The following RPS8 variants were observed in gnomAD, a reference collection of about 807,000 sequenced individuals.
The protein encoded by RPS8 is small ribosomal subunit protein eS8.
For synonymous variants in RPS8, 100 were observed against 100.7 expected (o/e 0.99, Z 0.04); for missense variants, 141 against 269.7 (o/e 0.52, Z 3.34).
At chr1:44,776,897 G>A (rs1322799839) in intron 3 of RPS8, 123 bp downstream of exon 3, 3 of 638,252 alleles carry the variant, frequency 4.7e-6, no homozygotes, top group African/African-American at 1.9e-5. Flanking sequence ...CGAGGCGGGC[G>A]GATCACCTGA....
chr1:44,778,565 C>A lies in RPS8; in HGVS notation c.518-11C>A. 1 of 1,608,480 alleles carries A rather than the reference C, an allele frequency of 6.2e-7. No individual in the cohort carries two copies. Among genetic ancestry groups the A allele is most frequent in the Non-Finnish European group, 8.5e-7 (1 of 1,174,920 alleles). On this transcript the variant is annotated splice_polypyrimidine_tract_variant and intron_variant, in intron 5 of 5. Coordinates refer to ENST00000396651, the MANE Select transcript of RPS8 (RefSeq NM_001012.2). ...TTGTCGTTGTGCTAAGGATCACCTACTCTCTTGCAGCGTGCATCGCTTCAA... is the reference window on the plus strand; with the variant it reads ...TTGTCGTTGTGCTAAGGATCACCTAATCTCTTGCAGCGTGCATCGCTTCAA...
Position 44,778,703 on chromosome 1 carries a change from A to C in RPS8, c.*18A>C. The C allele has an allele frequency of 6.6e-7, 1 of 1,509,432 alleles. No individual in the cohort carries two copies. 93.5% of individuals were successfully genotyped at this position (1,509,432 alleles called of 1,614,324 possible). On this transcript the variant is annotated 3_prime_UTR_variant, in exon 6 of 6. Transcript: ENST00000396651. ...GCAAATAAATCCTTGTTTTGTCTTCACCCATGTAATAAAGGTGTTTATTGT... is the reference window on the plus strand; with the variant it reads ...GCAAATAAATCCTTGTTTTGTCTTCCCCCATGTAATAAAGGTGTTTATTGT...
At chr1:44,775,984 T>C (rs371678381) in intron 1 of RPS8, 50 bp from the exon 2 acceptor site, 36 of 1,557,672 alleles carry the variant, frequency 2.3e-5, no homozygotes, top group Non-Finnish European at 2.7e-5. Flanking sequence ...GGCGAGTCGC[T>C]AGCACCGAGT....
At position 44,776,661 on chromosome 1, in the gene RPS8, C is replaced by T. The variant is rs563761308; in HGVS notation, c.112-14C>T. ...TCCTTGGTAACCTAGTTCCTGTAAC[C>T]TTGTGTTTTCCAGATTGGCCCCCGC... On this transcript the variant is annotated splice_polypyrimidine_tract_variant and intron_variant, in intron 2 of 5. Transcript: ENST00000396651. 6.2e-7 allele frequency: 1 copy of T among 1,612,368 alleles called. No homozygotes were observed. Among genetic ancestry groups the T allele is most frequent in the Non-Finnish European group, 8.5e-7 (1 of 1,178,460 alleles).
At chr1:44,777,538 G>T in intron 3 of RPS8, 76 bp from the exon 4 acceptor site, 2 of 1,207,700 alleles carry the variant, frequency 1.7e-6, no homozygotes, top group Non-Finnish European at 2.4e-6. Context: ...GCCTCATGGG[G>T]CTGAAGAACC....
chr1:44,775,759 CTG>C, intron 1 of RPS8, 159 bp downstream of exon 1: 1 of 1,024,028 alleles, frequency 9.8e-7, no homozygotes, highest in Admixed American at 1.9e-5. Context: ...CAGCCCGTCT[CTG>C]GGGGCTGCGA....
chr1:44,776,616 C>A (rs370695473), intron 2 of RPS8, 59 bp from the exon 3 acceptor site: 2 of 1,446,380 alleles, frequency 1.4e-6, no homozygotes, highest in Admixed American at 3.3e-5. Flanking sequence ...CCAGGTTCCT[C>A]TCCCTCACTT....
intron 3 of RPS8, 180 bp downstream of exon 3, chr1:44,776,954 T>TAA: frequency 4.0e-6 from 2 of 505,822 alleles, no homozygotes; most frequent in Admixed American, 3.9e-5. Flanking sequence ...AGACTCTCAG[T>TAA]AAAAAAAAAG....
In RPS8 at chr1:44,775,570, G is replaced by A; in HGVS notation, c.-27G>A. 6.2e-7 allele frequency: 1 copy of A among 1,614,132 alleles called. No individual in the cohort carries two copies. The highest frequency in any genetic ancestry group is 8.5e-7 in the Non-Finnish European group (1 of 1,179,972). ...ACAAACCGAACCGTGAATCTTTGCG[G>A]TTTCTCTTTCCAGCCAGCGCCGAGC... On this transcript the variant is annotated 5_prime_UTR_variant, in exon 1 of 6. Transcript: ENST00000396651.
At position 44,778,751 on chromosome 1, in the gene RPS8, C is replaced by T; in HGVS notation, c.*66C>T. On this transcript the variant is annotated 3_prime_UTR_variant, in exon 6 of 6. Coordinates refer to ENST00000396651, the MANE Select transcript of RPS8 (RefSeq NM_001012.2). ...TGTTTTGTTCCCACATTTATGTTGC[C>T]TGAATATATGACTGTTTTCTCTGCT... is the stretch of plus-strand genomic sequence containing the variant. The T allele has an allele frequency of 2.7e-6, 3 of 1,109,712 alleles. No individual in the cohort carries two copies. Among genetic ancestry groups the T allele is most frequent in the Non-Finnish European group, 1.3e-6 (1 of 761,342 alleles). 68.7% of individuals were successfully genotyped at this position (1,109,712 alleles called of 1,614,324 possible). A position where few individuals can be genotyped will look rare whatever the true frequency, so the allele number is the denominator to read the frequency against.
At chr1:44,775,954 C>A (rs373601758) in intron 1 of RPS8, 80 bp from the exon 2 acceptor site, 489 of 1,349,550 alleles carry the variant, frequency 3.6e-4, no homozygotes, top group Non-Finnish European at 4.9e-4. Context: ...ACCGGCCCGG[C>A]GCGGGGGTCT....
At position 44,778,775 on chromosome 1, in the gene RPS8, C is replaced by T; in HGVS notation, c.*90C>T. On this transcript the variant is annotated 3_prime_UTR_variant, in exon 6 of 6. Transcript: ENST00000396651. ...CCTGAATATATGACTGTTTTCTCTG[C>T]TTTATTTCCTTGCCCTGCAAAACTG... The T allele has an allele frequency of 2.1e-6, 2 of 940,260 alleles. No individual in the cohort carries two copies. Among genetic ancestry groups the T allele is most frequent in the Non-Finnish European group, 3.2e-6 (2 of 622,816 alleles). The allele number at this position is 940,260 out of a possible 1,614,324, so 58.2% of individuals were successfully genotyped here. A position where few individuals can be genotyped will look rare whatever the true frequency, so the allele number is the denominator to read the frequency against.
chr1:44,775,594 G>T lies in RPS8; in HGVS notation c.-3G>T, dbSNP rs944278122. On this transcript the variant is annotated 5_prime_UTR_variant, in exon 1 of 6. Transcript: ENST00000396651. ...GGTTTCTCTTTCCAGCCAGCGCCGAGCGATGGGTGAGTGTCGCTCTGCATT... is the reference window on the plus strand; with the variant it reads ...GGTTTCTCTTTCCAGCCAGCGCCGATCGATGGGTGAGTGTCGCTCTGCATT... 6.2e-7 allele frequency: 1 copy of T among 1,614,064 alleles called. No homozygotes were observed. Among genetic ancestry groups the T allele is most frequent in the African/African-American group, 1.3e-5 (1 of 74,928 alleles).
intron 4 of RPS8, 83 bp from the exon 5 acceptor site, chr1:44,777,917 A>C (rs1416545630): frequency 6.3e-7 from 1 of 1,579,218 alleles, no homozygotes; most frequent in South Asian, 1.1e-5. Context: ...GAGGAAGGCC[A>C]GCACTGGGGT....
At chr1:44,776,939 G>A in intron 3 of RPS8, 165 bp downstream of exon 3, 1 of 549,866 alleles carries the variant, frequency 1.8e-6, no homozygotes, top group Middle Eastern at 4.4e-4. Context: ...CTGGGCAACA[G>A]AGCGAGACTC....
Position 44,778,600 on chromosome 1 carries a change from A to G in RPS8, c.542A>G (p.Gln181Arg). ...GCGTGCATCGCTTCAAGGCCGGGAC[A>G]GTGTGGCCGAGCAGATGGCTATGTG... ...LLACIASRPG[Q>R]CGRADGYVLE... Residue 181 changes from glutamine (Q) to arginine (R), a missense_variant, in exon 6 of 6, where the codon CAG becomes CGG. Physicochemically the swap from Gln to Arg is conservative, Grantham distance 43. Transcript: ENST00000396651. 6.2e-7 allele frequency: 1 copy of G among 1,613,926 alleles called. No homozygotes were observed.
chr1:44,775,934 T>A (rs1182589763), intron 1 of RPS8, 100 bp from the exon 2 acceptor site: 2 of 1,114,840 alleles, frequency 1.8e-6, no homozygotes, highest in Middle Eastern at 2.0e-4. Context: ...CTTGGAGAGC[T>A]GAGCGTGCGA....
chr1:44,778,723 T>C lies in RPS8; in HGVS notation c.*38T>C, dbSNP rs1323646745. 4 of 1,376,832 alleles carry C rather than the reference T, an allele frequency of 2.9e-6. No homozygotes were observed. The African/African-American group carries it at 4.3e-5, about 15-fold the overall frequency. 85.3% of individuals were successfully genotyped at this position (1,376,832 alleles called of 1,614,324 possible). On this transcript the variant is annotated 3_prime_UTR_variant, in exon 6 of 6. Transcript: ENST00000396651. ...TCTTCACCCATGTAATAAAGGTGTT[T>C]ATTGTTTTGTTCCCACATTTATGTT...
chr1:44,775,684 C>A, intron 1 of RPS8, 84 bp downstream of exon 1: 9 of 1,553,700 alleles, frequency 5.8e-6, no homozygotes, highest in Non-Finnish European at 8.0e-6. Context: ...ACTGAGGAGT[C>A]CAGACGCCCC....
Sources: gnomAD v4.1 joint callset for allele counts on GRCh38, gnomAD v4.1.1 for gene constraint, MANE v1.5 for transcripts, NCBI Gene and HGNC (gene_info 2026-07-23, HGNC 2026-07-21) for gene names.